LRRC24: variants seen among roughly 807,000 people sequenced by gnomAD.
The protein encoded by LRRC24 is leucine rich repeat containing 24, also known as leucine-rich repeat-containing protein 24.
A neutral mutation model predicts 15.3 loss-of-function variants in LRRC24; 19 were observed. The observed-to-expected ratio is 1.25, with a 90% CI of 0.87 to 1.83. The LOEUF (loss-of-function observed/expected upper bound fraction) is 1.83. Ranked by LOEUF, LRRC24 falls within the 40% of genes most tolerant of loss-of-function variation. LRRC24 has a pLI of 0.00. For synonymous variants in LRRC24, 469 were observed against 359.6 expected (o/e 1.30, Z -3.44); for missense variants, 914 against 723.9 (o/e 1.26, Z -3.01).
At position 144,522,858 on chromosome 8, in the gene LRRC24, G is replaced by A; in HGVS notation, c.1159C>T (p.Pro387Ser). ...PPAARPAGSE[P>S]RPEAGSMAFR... is the part of the protein sequence containing the mutation. ...GCCATGCTGCCCGCCTCGGGCCGGG[G>A]CTCGCTGCCGGCGGGGCGGGCGGCC... The change falls in exon 5 of 5, where the codon CCC becomes TCC. Residue 387 changes from proline to serine, a missense_variant. Physicochemically the swap from Pro to Ser is moderately conservative, Grantham distance 74. Coordinates refer to ENST00000529415, the MANE Select transcript of LRRC24 (RefSeq NM_001024678.4). 1 of 1,276,372 alleles carries A rather than the reference G, an allele frequency of 7.8e-7. No individual in the cohort carries two copies. The highest frequency in any genetic ancestry group is 9.8e-7 in the Non-Finnish European group (1 of 1,018,198). 79.1% of individuals were successfully genotyped at this position (1,276,372 alleles called of 1,614,324 possible).
Position 144,524,118 on chromosome 8 carries a change from C to T in LRRC24, c.599G>A (p.Arg200His), listed in dbSNP as rs1436755122. The T allele has an allele frequency of 2.5e-6, 4 of 1,600,658 alleles. No homozygotes were observed. The highest frequency in any genetic ancestry group is 2.0e-4 in the Middle Eastern group (1 of 5,086). The stretch of plus-strand genomic sequence containing the variant: ...TTCCGAGGAAGAGGTACCTGTGAGG[C>T]GCAGGACTTGCAGACTGGCCAGGGG... The part of the protein sequence containing the change: ...LQPLASLQVL[R>H]LTENPWRCDC... The change falls in exon 4 of 5, where the codon CGC becomes CAC. Residue 200 changes from arginine to histidine, a missense_variant. Coordinates refer to ENST00000529415, the MANE Select transcript of LRRC24 (RefSeq NM_001024678.4).
chr8:144,525,340 ATG>A (rs1366985667), intron 1 of LRRC24, among the ~76,000 whole-genome samples: 2 of 152,096 alleles, frequency 1.3e-5, no homozygotes, highest in African/African-American at 2.4e-5. Flanking sequence ...CAGGACGTGG[ATG>A]TGTGTCGCTT....
rs753197221 is a variant in LRRC24 at position 144,523,024 on chromosome 8, G to A, written c.993C>T (p.Phe331=). The change falls in exon 5 of 5, where the codon TTC becomes TTT. Residue 331 remains phenylalanine, a synonymous_variant. Transcript: ENST00000529415. ...SASDTGSGML[F]LSNITLAHAG... ...CGTGCGCCAGCGTGATGTTGCTGAG[G>A]AAGAGCATGCCGCTGCCCGTGTCGG... is the stretch of plus-strand genomic sequence containing the variant. 1.9e-6 allele frequency: 3 copies of A among 1,599,732 alleles called. No individual in the cohort carries two copies. Among genetic ancestry groups the A allele is most frequent in the African/African-American group, 2.7e-5 (2 of 74,574 alleles).
chr8:144,524,495 G>A lies in LRRC24; in HGVS notation c.384C>T (p.Tyr128=), dbSNP rs1428818181. The change falls in exon 3 of 5, where the codon TAC becomes TAT. Residue 128 remains tyrosine (Y), a synonymous_variant. Coordinates refer to ENST00000529415, the MANE Select transcript of LRRC24 (RefSeq NM_001024678.4). The part of the protein sequence containing the change: ...FVGLAQLRVL[Y]LAGNQLARLL... ...GCCGCGCCAGCTGGTTGCCCGCCAG[G>A]TAGAGCACGCGCAGCTGGGCCAGGC... is the stretch of plus-strand genomic sequence containing the variant. 9 of 1,597,318 alleles carry A rather than the reference G, an allele frequency of 5.6e-6. No homozygotes were observed. The highest frequency in any genetic ancestry group is 1.7e-5 in the Admixed American group (1 of 59,936).
chr8:144,522,694 C>T lies in LRRC24; in HGVS notation c.1323G>A (p.Glu441=), dbSNP rs757113946. The change falls in exon 5 of 5, where the codon GAG becomes GAA. Residue 441 remains glutamate, a synonymous_variant. Coordinates refer to ENST00000529415, the MANE Select transcript of LRRC24 (RefSeq NM_001024678.4). The part of the protein sequence containing the change: ...RRKKARGPPG[E]GALFVNDYLD... Reference sequence around the variant, plus strand: ...AGTAGTCGTTGACGAACAGCGCTCCCTCCCCCGGAGGCCCCCGCGCCTTTT... The same window carrying T: ...AGTAGTCGTTGACGAACAGCGCTCCTTCCCCCGGAGGCCCCCGCGCCTTTT... The T allele has an allele frequency of 6.3e-7, 1 of 1,597,144 alleles. No homozygotes were observed. Among genetic ancestry groups the T allele is most frequent in the Non-Finnish European group, 8.5e-7 (1 of 1,173,014 alleles).
At chr8:144,526,365 C>G (rs1816360077) in intron 1 of LRRC24, 1 of 152,186 alleles carries the variant, frequency 6.6e-6, no homozygotes, top group Non-Finnish European at 1.5e-5. Flanking sequence ...AGTGTTGGTA[C>G]GTGGCTCCAG....
At chr8:144,525,114 C>T (rs959643225) in intron 1 of LRRC24, 81 bp from the exon 2 acceptor site, 8 of 915,412 alleles carry the variant, frequency 8.7e-6, no homozygotes, top group Non-Finnish European at 8.9e-6. Flanking sequence ...CTGCGTCTAA[C>T]TTTTGACGCT....
chr8:144,524,355 C>T lies in LRRC24; in HGVS notation c.439-77G>A, dbSNP rs373022847. The T allele has an allele frequency of 5.1e-4, 815 of 1,595,566 alleles. 6 individuals are homozygous for T. In the South Asian group the frequency reaches 8.4e-3, roughly 16 times the overall value. ...ATGTCTCTCTTCTTACCAAGCTAGA[C>T]TGGGTTGCCTTTTCTAACTATTCCA... On this transcript the variant is annotated intron_variant, in intron 3 of 4. Coordinates refer to ENST00000529415, the MANE Select transcript of LRRC24 (RefSeq NM_001024678.4).
At chr8:144,526,592 TCACA>T (rs1160091044) in intron 1 of LRRC24, 1 of 152,236 alleles carries the variant, frequency 6.6e-6, no homozygotes, top group Non-Finnish European at 1.5e-5. Flanking sequence ...GGGCGGGGTG[TCACA>T]CGCAGGATTC....
At chr8:144,525,762 T>C (rs530782809) in intron 1 of LRRC24, 2 of 152,052 alleles carry the variant, frequency 1.3e-5, no homozygotes, top group African/African-American at 2.4e-5. Context: ...CAGAAAGGTG[T>C]CCTGTCTTTG....
At position 144,524,244 on chromosome 8, in the gene LRRC24, A is replaced by G. The variant is rs748857220; in HGVS notation, c.473T>C (p.Ile158Thr). The G allele has an allele frequency of 5.0e-6, 8 of 1,612,498 alleles. No homozygotes were observed. Among genetic ancestry groups the G allele is most frequent in the South Asian group, 2.2e-5 (2 of 91,086 alleles). ...LQELHLQENS[I>T]ELLEDQALAG... ...TAGAGCCTGGTCCTCCAGCAGCTCA[A>G]TGCTGTTTTCTTGCAGGTGAAGCTC... The change falls in exon 4 of 5, where the codon ATT becomes ACT. Residue 158 changes from isoleucine to threonine, a missense_variant. By Grantham distance (89) the Ile-to-Thr change is moderately conservative (BLOSUM62 -1). Coordinates refer to ENST00000529415, the MANE Select transcript of LRRC24 (RefSeq NM_001024678.4).
rs1353426831 is a variant in LRRC24, at chr8:144,524,861, G to A, written c.114C>T (p.Ala38=). ...RCYSATVECG[A]LRLRVVPLGI... is the part of the protein sequence containing the mutation. Reference sequence around the variant, plus strand: ...CCAGCGGGACGACGCGCAACCGCAGGGCGCCACACTCCACCGTGGCGCTGT... The same window carrying A: ...CCAGCGGGACGACGCGCAACCGCAGAGCGCCACACTCCACCGTGGCGCTGT... The change falls in exon 2 of 5, where the codon GCC becomes GCT. Residue 38 remains alanine (A), a synonymous_variant. Transcript: ENST00000529415. 1 of 1,499,662 alleles carries A rather than the reference G, an allele frequency of 6.7e-7. No homozygotes were observed. Among genetic ancestry groups the A allele is most frequent in the South Asian group, 1.2e-5 (1 of 81,856 alleles). The allele number at this position is 1,499,662 out of a possible 1,614,324, so 92.9% of individuals were successfully genotyped here.
In LRRC24 at chr8:144,522,586, C is replaced by T. The variant is rs749373671; in HGVS notation, c.1431G>A (p.Lys477=). The change falls in exon 5 of 5, where the codon AAG becomes AAA. Residue 477 remains lysine, a synonymous_variant. Coordinates refer to ENST00000529415, the MANE Select transcript of LRRC24 (RefSeq NM_001024678.4). Reference sequence around the variant, plus strand: ...CCGCCGGACCCTCGGCGAAGAGCGGCTTGGAGCGGTTGATGACGAACATCT... The same window carrying T: ...CCGCCGGACCCTCGGCGAAGAGCGGTTTGGAGCGGTTGATGACGAACATCT... ...GHEMFVINRS[K]PLFAEGPAEA... 3 of 1,562,172 alleles carry T rather than the reference C, an allele frequency of 1.9e-6. No homozygotes were observed. The highest frequency in any genetic ancestry group is 1.4e-5 in the African/African-American group (1 of 71,518).
In LRRC24 at chr8:144,522,999, C is replaced by T. The variant is rs1186475290; in HGVS notation, c.1018G>A (p.Ala340Thr). Reference protein sequence around the residue: ...LFLSNITLAHAGKYECEASNA... With the variant: ...LFLSNITLAHTGKYECEASNA... Reference sequence around the variant, plus strand: ...GAGGCCTCGCACTCGTACTTACCGGCGTGCGCCAGCGTGATGTTGCTGAGG... The same window carrying T: ...GAGGCCTCGCACTCGTACTTACCGGTGTGCGCCAGCGTGATGTTGCTGAGG... Residue 340 changes from alanine (A) to threonine (T), a missense_variant, in exon 5 of 5, where the codon GCC becomes ACC. Coordinates refer to ENST00000529415, the MANE Select transcript of LRRC24 (RefSeq NM_001024678.4). 3 of 1,595,350 alleles carry T rather than the reference C, an allele frequency of 1.9e-6. No homozygotes were observed. Among genetic ancestry groups the T allele is most frequent in the African/African-American group, 1.3e-5 (1 of 74,492 alleles).
rs1205522349 is a variant in LRRC24, at chr8:144,524,933, T to TAGC, written c.39_41dup (p.Leu16dup). The TAGC allele has an allele frequency of 2.6e-5, 40 of 1,510,860 alleles. No homozygotes were observed. The East Asian group carries it at 7.3e-4, about 27-fold the overall frequency. 93.6% of individuals were successfully genotyped at this position (1,510,860 alleles called of 1,614,324 possible). On this transcript the variant is annotated inframe_insertion, in exon 2 of 5. Coordinates refer to ENST00000529415, the MANE Select transcript of LRRC24 (RefSeq NM_001024678.4). ...AGCCGGCGGCGCGGAGCGGCAGTAG[T>TAGC]AGCAGCAGCAGCGGCAGCAGTGCGG... is the stretch of plus-strand genomic sequence containing the variant.
rs1369123967 is a variant in LRRC24, at chr8:144,524,806, C to T, written c.159+10G>A. 26 of 1,449,498 alleles carry T rather than the reference C, an allele frequency of 1.8e-5. No homozygotes were observed. Among genetic ancestry groups the T allele is most frequent in the Non-Finnish European group, 2.3e-5 (25 of 1,103,796 alleles). 89.8% of individuals were successfully genotyped at this position (1,449,498 alleles called of 1,614,324 possible). On this transcript the variant is annotated intron_variant, in intron 2 of 4. Transcript: ENST00000529415. ...CACCCCGTCCTCCCGCAGCTCCACA[C>T]GGTGCCCACCTGCGTCCCTGGCGGG...
Position 144,524,514 on chromosome 8 carries a change from GC to G in LRRC24, c.364del (p.Ala122ProfsTer45), listed in dbSNP as rs769886787. 56 of 1,595,192 alleles carry G rather than the reference GC, an allele frequency of 3.5e-5. No homozygotes were observed. Among genetic ancestry groups the G allele is most frequent in the Non-Finnish European group, 5.9e-6 (7 of 1,178,882 alleles). The part of the protein sequence containing the change: ...GLRSGAFVGL[A>X]QLRVLYLAGN... ...CGCCAGGTAGAGCACGCGCAGCTGG[GC>G]CAGGCCTACGAAGGCGCCGCTGCGC... On this transcript the variant is annotated frameshift_variant, in exon 3 of 5. Transcript: ENST00000529415. LOFTEE classifies it high-confidence loss of function.
At position 144,524,933 on chromosome 8, in the gene LRRC24, T is replaced by C. The variant is rs1564825855; in HGVS notation, c.42A>G (p.Leu14=). The change falls in exon 2 of 5, where the codon CTA becomes CTG. Residue 14 remains leucine, a synonymous_variant. Transcript: ENST00000529415. ...RAPALLPLLL[L]LLPLRAAGCP... is the part of the protein sequence containing the mutation. ...AGCCGGCGGCGCGGAGCGGCAGTAG[T>C]AGCAGCAGCAGCGGCAGCAGTGCGG... 5 of 1,510,860 alleles carry C rather than the reference T, an allele frequency of 3.3e-6. No homozygotes were observed. The Admixed American group carries it at 1.0e-4, about 31-fold the overall frequency. The allele number at this position is 1,510,860 out of a possible 1,614,324, so 93.6% of individuals were successfully genotyped here.
At position 144,524,563 on chromosome 8, in the gene LRRC24, T is replaced by C. The variant is rs1408638872; in HGVS notation, c.316A>G (p.Thr106Ala). 1 of 1,568,480 alleles carries C rather than the reference T, an allele frequency of 6.4e-7. No individual in the cohort carries two copies. Among genetic ancestry groups the C allele is most frequent in the South Asian group, 1.1e-5 (1 of 88,028 alleles). ...AQPRLLELAL[T>A]SNRLRGLRSG... Reference sequence around the variant, plus strand: ...CGCAAGCCGCGCAGCCGGTTGCTAGTGAGCGCCAGCTCCAGCAGGCGCGGC... The same window carrying C: ...CGCAAGCCGCGCAGCCGGTTGCTAGCGAGCGCCAGCTCCAGCAGGCGCGGC... The change falls in exon 3 of 5, where the codon ACT (threonine) becomes GCT (alanine). Residue 106 changes from threonine to alanine, a missense_variant. Thr to Ala is a moderately conservative substitution (Grantham distance 58). Transcript: ENST00000529415.
Sources: allele counts gnomAD v4.1 joint callset (sites outside exome capture counted in the v4.1 genomes callset), GRCh38; gene constraint gnomAD v4.1.1; transcripts MANE v1.5; gene names NCBI Gene and HGNC (gene_info 2026-07-23, HGNC 2026-07-21).